Variants in SLCO3A1 observed in about 807,000 individuals in gnomAD.
SLCO3A1 encodes the protein PGE1 transporter.
Under a neutral mutation model 63.1 loss-of-function variants are expected in SLCO3A1, and 27 were observed. The observed-to-expected ratio is 0.43, with a 90% CI of 0.32 to 0.59. The LOEUF (loss-of-function observed/expected upper bound fraction) is 0.59, where lower values mean the gene tolerates loss of function less well. Among genes scored for constraint, SLCO3A1 ranks in the 20% least tolerant of loss-of-function variants. The pLI, the probability that SLCO3A1 is intolerant of heterozygous loss-of-function variation, is 0.09. For synonymous variants in SLCO3A1, 473 were observed against 409.9 expected, an observed-to-expected ratio of 1.15 and a Z score of -1.86; for missense variants, 773 against 945.8, an observed-to-expected ratio of 0.82 and a Z score of 2.40.
At chr15:92,047,780 G>C (rs538537383) in intron 2 of SLCO3A1, among the ~76,000 whole-genome samples, 3 of 149,742 alleles carry the variant, frequency 2.0e-5, no homozygotes, top group East Asian at 2.0e-4. Context: ...TGTGTTCATC[G>C]GTTTGTAATC....
chr15:91,924,835 A>G (rs1691571286), intron 2 of SLCO3A1, among the ~76,000 whole-genome samples: 2 of 152,236 alleles, frequency 1.3e-5, no homozygotes, highest in Admixed American at 1.3e-4. Flanking sequence ...CGAAGAGAGT[A>G]TTGGGATGCA....
In SLCO3A1 at chr15:92,120,766, G is replaced by A; in HGVS notation, c.1174+137G>A. The stretch of plus-strand genomic sequence containing the variant: ...GCAACAAGATATATGTGGCCTCTGT[G>A]CACAAGGAATTTAAAGTATATTCTC... On this transcript the variant is annotated intron_variant, in intron 5 of 9. Transcript: ENST00000318445. 3 of 689,126 alleles carry A rather than the reference G, an allele frequency of 4.4e-6. No homozygotes were observed. The South Asian group carries it at 5.8e-5, about 13-fold the overall frequency. 42.7% of individuals were successfully genotyped at this position (689,126 alleles called of 1,614,324 possible). A position where few individuals can be genotyped will look rare whatever the true frequency, so the allele number is the denominator to read the frequency against.
chr15:92,116,613 C>T (rs772750303), intron 4 of SLCO3A1, among the ~76,000 whole-genome samples: 3 of 152,216 alleles, frequency 2.0e-5, no homozygotes, highest in Non-Finnish European at 2.9e-5. Context: ...TGGGCCGCCC[C>T]ATTAGCTGCT....
chr15:91,867,219 T>A (rs1597070929), intron 1 of SLCO3A1, among the ~76,000 whole-genome samples: 1 of 152,200 alleles, frequency 6.6e-6, no homozygotes. Context: ...TGGCTGGAAG[T>A]CAGTCTGCTA....
intron 2 of SLCO3A1, among the ~76,000 whole-genome samples, chr15:91,956,863 C>T (rs2151417064): frequency 7.8e-6 from 1 of 128,628 alleles, no homozygotes; most frequent in African/African-American, 3.0e-5. Context: ...GATCTCAGCT[C>T]ACTGCAGCCT....
intron 1 of SLCO3A1, among the ~76,000 whole-genome samples, chr15:91,909,842 G>A (rs1407650486): frequency 5.3e-5 from 8 of 152,202 alleles, no homozygotes; most frequent in African/African-American, 1.9e-4. Context: ...GATCTCTAAG[G>A]TGGCTCTGCC....
intron 9 of SLCO3A1, among the ~76,000 whole-genome samples, chr15:92,152,824 C>T (rs946098241): frequency 2.0e-5 from 3 of 152,164 alleles, no homozygotes; most frequent in Non-Finnish European, 2.9e-5. Flanking sequence ...TCAGCTCTGC[C>T]ATTACGAGTC....
chr15:91,916,636 A>G lies in SLCO3A1; in HGVS notation c.646+178A>G, dbSNP rs1898671182. Among the ~76,000 whole-genome samples, 1 of 152,190 alleles carries G rather than the reference A, an allele frequency of 6.6e-6. No homozygotes were observed. The highest frequency in any genetic ancestry group is 1.5e-5 in the Non-Finnish European group (1 of 68,030). On this transcript the variant is annotated intron_variant, in intron 2 of 9. Transcript: ENST00000318445. This position sits in a 1 kb window ranked among gnomAD's most constrained non-coding sequence, Gnocchi z 6.2. The stretch of plus-strand genomic sequence containing the variant: ...AACCTGGGCATTGAGACGTTTTTAA[A>G]AGTTCCCAGGTGATTCTTGTGAGCG...
chr15:92,014,503 A>T (rs1040865966), intron 2 of SLCO3A1, among the ~76,000 whole-genome samples: 1 of 152,160 alleles, frequency 6.6e-6, no homozygotes, highest in African/African-American at 2.4e-5. Flanking sequence ...TTGCATACAC[A>T]GGAAATGAGC....
At chr15:91,928,238 T>A (rs1453733063) in intron 2 of SLCO3A1, among the ~76,000 whole-genome samples, 1 of 152,258 alleles carries the variant, frequency 6.6e-6, no homozygotes, top group Non-Finnish European at 1.5e-5. Context: ...TACCGCTGAA[T>A]ACACTAGCTC....
intron 8 of SLCO3A1, chr15:92,149,927 G>T (rs1368212467): frequency 6.6e-6 from 1 of 152,170 alleles, no homozygotes; most frequent in Non-Finnish European, 1.5e-5. Flanking sequence ...CGGAGACATG[G>T]AGCTGATAAT....
intron 2 of SLCO3A1, among the ~76,000 whole-genome samples, chr15:92,056,678 G>C (rs576667603): frequency 4.6e-5 from 7 of 152,232 alleles, no homozygotes; most frequent in African/African-American, 1.4e-4. Context: ...ATCCAGTTGA[G>C]GTCTGTTCAG....
chr15:92,115,208 T>C (rs1238051178), intron 4 of SLCO3A1, among the ~76,000 whole-genome samples: 1 of 152,082 alleles, frequency 6.6e-6, no homozygotes, highest in Admixed American at 6.5e-5. Flanking sequence ...ACCAAGGCCA[T>C]GGACAAGTAC....
At position 92,126,185 on chromosome 15, in the gene SLCO3A1, T is replaced by A. The variant is rs752125000; in HGVS notation, c.1299T>A (p.Ala433=). 8 of 1,613,928 alleles carry A rather than the reference T, an allele frequency of 5.0e-6. No individual in the cohort carries two copies. In the Admixed American group the frequency reaches 1.3e-4, roughly 27 times the overall value. Reference sequence around the variant, plus strand: ...TGCTCGTCAACCTGGTGTCCACTGCTTGCTACGTCTCCTTCCTCTTCCTGG... The same window carrying A: ...TGCTCGTCAACCTGGTGTCCACTGCATGCTACGTCTCCTTCCTCTTCCTGG... ...MAMLVNLVST[A]CYVSFLFLGC... Residue 433 remains alanine (A), a synonymous_variant, in exon 6 of 10, where the codon GCT becomes GCA. Coordinates refer to ENST00000318445, the MANE Select transcript of SLCO3A1 (RefSeq NM_013272.4).
At chr15:91,895,932 C>T (rs887269715) in intron 1 of SLCO3A1, among the ~76,000 whole-genome samples, 3 of 152,134 alleles carry the variant, frequency 2.0e-5, no homozygotes, top group Non-Finnish European at 4.4e-5. Flanking sequence ...ACTGTGTAGA[C>T]CCAGCCTTAC....
intron 2 of SLCO3A1, among the ~76,000 whole-genome samples, chr15:92,068,009 C>T (rs548187998): frequency 6.6e-6 from 1 of 152,272 alleles, no homozygotes; most frequent in East Asian, 1.9e-4. Flanking sequence ...GGGCTTCACC[C>T]TCATGACCTG....
At chr15:91,870,005 C>A (rs1897250849) in intron 1 of SLCO3A1, among the ~76,000 whole-genome samples, 1 of 152,268 alleles carries the variant, frequency 6.6e-6, no homozygotes. Context: ...TCAGGGCAAG[C>A]TTGCCAGCTT....
Position 91,968,433 on chromosome 15 carries a change from G to C in SLCO3A1, c.646+51975G>C, listed in dbSNP as rs982467190. On this transcript the variant is annotated intron_variant, in intron 2 of 9. Transcript: ENST00000318445. This position sits in a 1 kb window ranked among gnomAD's most constrained non-coding sequence, Gnocchi z 4.2. Reference sequence around the variant, plus strand: ...TAGAGTGGCCCTCTAGAATCCTCCAGCCTGTGCTTATTATGCAGCATGGAG... The same window carrying C: ...TAGAGTGGCCCTCTAGAATCCTCCACCCTGTGCTTATTATGCAGCATGGAG... Among the ~76,000 whole-genome samples, 1 of 152,028 alleles carries C rather than the reference G, an allele frequency of 6.6e-6. No individual in the cohort carries two copies. The highest frequency in any genetic ancestry group is 1.5e-5 in the Non-Finnish European group (1 of 68,026).
chr15:91,908,496 C>T (rs373471341), intron 1 of SLCO3A1: 1 of 152,098 alleles, frequency 6.6e-6, no homozygotes. Flanking sequence ...TTACTTGGTT[C>T]TGCAGATCTA....
Sources: allele counts gnomAD v4.1 joint callset (sites outside exome capture counted in the v4.1 genomes callset), GRCh38; gene constraint gnomAD v4.1.1; non-coding constraint Gnocchi (gnomAD v3.1); transcripts MANE v1.5; gene names NCBI Gene and HGNC (gene_info 2026-07-23, HGNC 2026-07-21).